The following CADM2 variants were observed in gnomAD, a reference collection of about 807,000 sequenced individuals.
The protein encoded by CADM2 is immunoglobulin superfamily member 4D.
CADM2 carries 12 observed loss-of-function variants against 49.8 expected under a neutral mutation model. The observed-to-expected ratio is 0.24, with a 90% CI of 0.15 to 0.39. The LOEUF (loss-of-function observed/expected upper bound fraction) is 0.39. Ranked by LOEUF, CADM2 falls within the 10% of genes least tolerant of loss-of-function variation. The pLI, the probability that CADM2 is intolerant of heterozygous loss-of-function variation, is 1.00. For synonymous variants in CADM2, 214 were observed against 175.4 expected, an observed-to-expected ratio of 1.22 and a Z score of -1.74; for missense variants, 378 against 492.3, an observed-to-expected ratio of 0.77 and a Z score of 2.20.
intron 1 of CADM2, among the ~76,000 whole-genome samples, chr3:85,693,593 AAAATCAGAAG>A (rs1421246700): frequency 6.7e-5 from 10 of 149,192 alleles, no homozygotes; most frequent in African/African-American, 2.2e-4. Context: ...AAGAAAAGAA[AAAATCAGAAG>A]GAGGCTGGGC....
chr3:85,032,935 T>G (rs1258817588), intron 1 of CADM2, among the ~76,000 whole-genome samples: 4 of 152,218 alleles, frequency 2.6e-5, no homozygotes, highest in African/African-American at 9.6e-5. Flanking sequence ...TAAATCTTGT[T>G]TTTCTCTTGC....
chr3:85,280,388 A>C (rs2106885212), intron 1 of CADM2, among the ~76,000 whole-genome samples: 1 of 151,012 alleles, frequency 6.6e-6, no homozygotes, highest in South Asian at 2.1e-4. Flanking sequence ...CTCTCCTTTG[A>C]CCTGCAAAAT....
chr3:85,878,445 A>T (rs758278936), intron 3 of CADM2, among the ~76,000 whole-genome samples: 8 of 152,152 alleles, frequency 5.3e-5, no homozygotes, highest in African/African-American at 1.9e-4. Flanking sequence ...TGAAAGTATT[A>T]TATGATTTGA....
At chr3:85,920,190 C>A (rs1718917412) in intron 6 of CADM2, among the ~76,000 whole-genome samples, 1 of 151,758 alleles carries the variant, frequency 6.6e-6, no homozygotes, top group Non-Finnish European at 1.5e-5. Context: ...TTCCAAGGAG[C>A]ATTCAAAATA....
At chr3:85,531,357 TG>T (rs1289497743) in intron 1 of CADM2, among the ~76,000 whole-genome samples, 1 of 152,164 alleles carries the variant, frequency 6.6e-6, no homozygotes, top group Non-Finnish European at 1.5e-5. Context: ...GTTGTTTCAG[TG>T]TAAGCAGTTT....
intron 1 of CADM2, among the ~76,000 whole-genome samples, chr3:85,395,975 T>A (rs2034767325): frequency 6.7e-6 from 1 of 148,746 alleles, no homozygotes; most frequent in South Asian, 2.1e-4. Context: ...ATCATAATGA[T>A]AATTTATAAA....
rs111761306 is a variant in CADM2 at position 85,992,603 on chromosome 3, T to C, written c.970+30956T>C. 1.0e-3 allele frequency: 152 copies of C among 152,292 alleles called. 1 individual carries two copies. Among genetic ancestry groups the C allele is most frequent in the African/African-American group, 3.6e-3 (149 of 41,574 alleles). 9.4% of individuals were successfully genotyped at this position (152,292 alleles called of 1,614,324 possible). On this transcript the variant is annotated intron_variant, in intron 8 of 9. Transcript: ENST00000383699. ...CAATATCATGAGTCTCACACATTTT[T>C]GTTTGTTTCTTAGTGCATATAAAAG... is the stretch of plus-strand genomic sequence containing the variant.
At chr3:85,091,589 G>A (rs546662192) in intron 1 of CADM2, among the ~76,000 whole-genome samples, 2 of 152,116 alleles carry the variant, frequency 1.3e-5, no homozygotes, top group South Asian at 2.1e-4. Context: ...TTTCATATGT[G>A]TATACTGAAA....
intron 1 of CADM2, among the ~76,000 whole-genome samples, chr3:85,697,860 A>G (rs2066619417): frequency 6.6e-6 from 1 of 152,204 alleles, no homozygotes; most frequent in Non-Finnish European, 1.5e-5. Context: ...AAAAACAGGG[A>G]TACGGTGATT....
At chr3:85,921,618 G>T (rs530253875) in intron 6 of CADM2, among the ~76,000 whole-genome samples, 6 of 151,944 alleles carry the variant, frequency 3.9e-5, no homozygotes, top group Non-Finnish European at 8.8e-5. Context: ...GCGTTATTGT[G>T]TTATCTTTGT....
In CADM2 at chr3:85,560,173, G is replaced by A. The variant is rs372851472; in HGVS notation, c.62-166349G>A. Among the ~76,000 whole-genome samples the A allele has an allele frequency of 1.1e-4, 17 of 152,284 alleles. No homozygotes were observed. In the South Asian group the frequency reaches 3.1e-3, roughly 28 times the overall value. On this transcript the variant is annotated intron_variant, in intron 1 of 9. Coordinates refer to ENST00000383699, the MANE Select transcript of CADM2 (RefSeq NM_001167675.2). ...CTCTTTCCAGAAAACATTCCTATATGCCTGCGGTTGCTTTCAAAACTAAGC... is the reference window on the plus strand; with the variant it reads ...CTCTTTCCAGAAAACATTCCTATATACCTGCGGTTGCTTTCAAAACTAAGC...
intron 1 of CADM2, among the ~76,000 whole-genome samples, chr3:84,980,290 C>CCCA (rs2107132364): frequency 1.3e-5 from 2 of 152,186 alleles, no homozygotes; most frequent in East Asian, 3.9e-4. Context: ...CCTTGCTAAG[C>CCCA]CTGTGGATTT....
chr3:85,563,411 T>TCGGG (rs1553742867), intron 1 of CADM2, among the ~76,000 whole-genome samples: 1 of 142,044 alleles, frequency 7.0e-6, no homozygotes, highest in African/African-American at 2.5e-5. Flanking sequence ...TGTGTGTGTG[T>TCGGG]GGGGGGGTGG....
At position 85,803,190 on chromosome 3, in the gene CADM2, T is replaced by G. The variant is rs8179923; in HGVS notation, c.238+994T>G. On this transcript the variant is annotated intron_variant, in intron 3 of 9. Coordinates refer to ENST00000383699, the MANE Select transcript of CADM2 (RefSeq NM_001167675.2). ...CTAGATTTAAAATGAAATCTTTAGT[T>G]TGTTTTAAATATTAAATATATAATG... Among the ~76,000 whole-genome samples, 1,314 of 152,220 alleles carry G rather than the reference T, an allele frequency of 8.6e-3. 49 individuals carry two copies. In the South Asian group the frequency reaches 0.1, roughly 12 times the overall value.
intron 2 of CADM2, among the ~76,000 whole-genome samples, chr3:85,786,082 C>A (rs2070970084): frequency 6.6e-6 from 1 of 152,028 alleles, no homozygotes; most frequent in Non-Finnish European, 1.5e-5. Context: ...ATTGGCTTTG[C>A]TGTGAATGTA....
intron 1 of CADM2, among the ~76,000 whole-genome samples, chr3:85,168,422 A>G (rs1285865337): frequency 1.3e-5 from 2 of 152,316 alleles, no homozygotes; most frequent in South Asian, 4.1e-4. Context: ...CATGTTGTCA[A>G]TGTTCACAAC....
intron 1 of CADM2, among the ~76,000 whole-genome samples, chr3:85,379,814 G>A (rs1054702736): frequency 4.6e-5 from 7 of 151,874 alleles, no homozygotes; most frequent in African/African-American, 1.7e-4. Context: ...TGTATTACTC[G>A]CAACTGTTGC....
In CADM2 at chr3:86,014,138, T is replaced by C. The variant is rs114400645; in HGVS notation, c.971-51467T>C. ...AGTGGACACGCAGGCATGATGCTTT[T>C]GAAATTTTGGTGGAACTCCTGCAAG... On this transcript the variant is annotated intron_variant, in intron 8 of 9. Coordinates refer to ENST00000383699, the MANE Select transcript of CADM2 (RefSeq NM_001167675.2). 6.2e-6 allele frequency: 8 copies of C among 1,283,536 alleles called. No homozygotes were observed. The African/African-American group carries it at 1.0e-4, about 17-fold the overall frequency. The allele number at this position is 1,283,536 out of a possible 1,614,324, so 79.5% of individuals were successfully genotyped here.
At chr3:85,869,825 C>T (rs2075854839) in intron 3 of CADM2, among the ~76,000 whole-genome samples, 1 of 151,938 alleles carries the variant, frequency 6.6e-6, no homozygotes, top group Non-Finnish European at 1.5e-5. Context: ...CGGGGCCTGG[C>T]TAATTTTTTG....
Sources: allele counts gnomAD v4.1 joint callset (sites outside exome capture counted in the v4.1 genomes callset), GRCh38; gene constraint gnomAD v4.1.1; transcripts MANE v1.5; gene names NCBI Gene and HGNC (gene_info 2026-07-23, HGNC 2026-07-21).